PTN: variants seen among roughly 807,000 people sequenced by gnomAD.
PTN encodes the protein pleiotrophin, also known as heparin affin regulatory protein.
Under a neutral mutation model 24.1 loss-of-function variants are expected in PTN, and 18 were observed. That is an observed-to-expected ratio of 0.75 (90% CI 0.52 to 1.11). PTN has a LOEUF of 1.11. PTN is among the 50% of genes least tolerant of loss of function. PTN has a pLI of 0.00. For synonymous variants in PTN, 78 were observed against 68.6 expected (o/e 1.14, Z -0.67); for missense variants, 163 against 198.8 (o/e 0.82, Z 1.08).
chr7:137,228,953 T>C (rs967944955), intron 4 of PTN, among the ~76,000 whole-genome samples: 2 of 151,860 alleles, frequency 1.3e-5, no homozygotes, highest in African/African-American at 4.8e-5. Flanking sequence ...ACTGGTTAAG[T>C]ACAGGCTCTG....
intron 1 of PTN, among the ~76,000 whole-genome samples, chr7:137,267,670 AC>A (rs1324063577): frequency 1.3e-5 from 2 of 151,930 alleles, no homozygotes; most frequent in Non-Finnish European, 2.9e-5. Flanking sequence ...TTTGTACCTG[AC>A]CCGTGTCTCC....
At chr7:137,277,348 A>G (rs188915) in intron 1 of PTN, among the ~76,000 whole-genome samples, 79,332 of 152,084 alleles carry the variant, frequency 0.52, 22,984 homozygotes, top group East Asian at 0.75. Flanking sequence ...CCACTATTGA[A>G]CACATTTTAG....
chr7:137,294,576 A>G (rs1339114665), intron 1 of PTN, among the ~76,000 whole-genome samples: 1 of 152,048 alleles, frequency 6.6e-6, no homozygotes, highest in Non-Finnish European at 1.5e-5. Flanking sequence ...ATGCCCCACC[A>G]AGAGAGTCTG....
intron 1 of PTN, among the ~76,000 whole-genome samples, chr7:137,299,286 T>C (rs1563216644): frequency 6.6e-6 from 1 of 152,008 alleles, no homozygotes; most frequent in Admixed American, 6.6e-5. Context: ...TTGTCAATGG[T>C]GGTGGTTATT....
chr7:137,294,962 T>C (rs1418312654), intron 1 of PTN, among the ~76,000 whole-genome samples: 3 of 152,104 alleles, frequency 2.0e-5, no homozygotes, highest in Non-Finnish European at 4.4e-5. Flanking sequence ...ATAAAATAAC[T>C]TGCCCTGGGT....
chr7:137,266,412 T>A (rs1563205328), intron 1 of PTN, among the ~76,000 whole-genome samples: 1 of 152,214 alleles, frequency 6.6e-6, no homozygotes, highest in Non-Finnish European at 1.5e-5. Context: ...TCTTCAATAG[T>A]ACTCAGGAGG....
chr7:137,324,730 T>C (rs1465706599), intron 1 of PTN: 2 of 152,072 alleles, frequency 1.3e-5, no homozygotes, highest in Non-Finnish European at 2.9e-5. Flanking sequence ...ACTGTCACAC[T>C]CCCTTTTTGA....
At chr7:137,295,841 C>T (rs1314650492) in intron 1 of PTN, among the ~76,000 whole-genome samples, 1 of 151,910 alleles carries the variant, frequency 6.6e-6, no homozygotes, top group Non-Finnish European at 1.5e-5. Context: ...CTCCAGAAAG[C>T]TCTGGAGCAA....
At chr7:137,339,719 C>A (rs1275999639) in intron 1 of PTN, among the ~76,000 whole-genome samples, 1 of 151,974 alleles carries the variant, frequency 6.6e-6, no homozygotes, top group East Asian at 1.9e-4. Context: ...GAAATGTATG[C>A]CATCATAGCA....
At chr7:137,268,983 T>C (rs1329544997) in intron 1 of PTN, among the ~76,000 whole-genome samples, 1 of 152,204 alleles carries the variant, frequency 6.6e-6, no homozygotes, top group Admixed American at 6.5e-5. Context: ...ACAAAGATTT[T>C]TGTTGTTCTG....
intron 1 of PTN, among the ~76,000 whole-genome samples, chr7:137,268,679 T>C (rs1809209580): frequency 1.3e-5 from 2 of 152,342 alleles, no homozygotes; most frequent in South Asian, 4.1e-4. Context: ...GTGGAATTTT[T>C]ACTACCAGGC....
At chr7:137,317,618 A>C (rs116233166) in intron 1 of PTN, among the ~76,000 whole-genome samples, 1,608 of 152,188 alleles carry the variant, frequency 0.011, 32 homozygotes, top group African/African-American at 0.037. Flanking sequence ...TGTTGTATTT[A>C]TTTTGATCGT....
intron 1 of PTN, among the ~76,000 whole-genome samples, chr7:137,337,158 C>T (rs1810462676): frequency 6.6e-6 from 1 of 152,146 alleles, no homozygotes. Context: ...ACACATGACG[C>T]TAGTTAATCT....
intron 1 of PTN, among the ~76,000 whole-genome samples, chr7:137,330,101 A>C (rs537568763): frequency 6.6e-6 from 1 of 152,160 alleles, no homozygotes; most frequent in Admixed American, 6.6e-5. Flanking sequence ...AGCCTGGCCA[A>C]CATGGTGAAA....
chr7:137,252,775 G>A (rs1393506141), intron 3 of PTN, among the ~76,000 whole-genome samples: 1 of 151,792 alleles, frequency 6.6e-6, no homozygotes, highest in Admixed American at 6.5e-5. Flanking sequence ...TTATTTGAGG[G>A]TTCAATACTG....
At chr7:137,239,559 C>A (rs560411097) in intron 4 of PTN, among the ~76,000 whole-genome samples, 2 of 152,026 alleles carry the variant, frequency 1.3e-5, no homozygotes, top group East Asian at 3.9e-4. Context: ...CCTCCTCCCA[C>A]CCCACAACAG....
chr7:137,243,971 T>G (rs1301472928), intron 4 of PTN, among the ~76,000 whole-genome samples: 1 of 152,170 alleles, frequency 6.6e-6, no homozygotes, highest in African/African-American at 2.4e-5. Context: ...TCCCGGAGAT[T>G]CTTTGAACTA....
chr7:137,308,731 A>C (rs1490206396), intron 1 of PTN, among the ~76,000 whole-genome samples: 1 of 152,192 alleles, frequency 6.6e-6, no homozygotes, highest in Non-Finnish European at 1.5e-5. Context: ...ATCTCCCCAC[A>C]GCACACTGGC....
intron 1 of PTN, among the ~76,000 whole-genome samples, chr7:137,300,693 G>A (rs1202032821): frequency 6.6e-6 from 1 of 151,794 alleles, no homozygotes; most frequent in Non-Finnish European, 1.5e-5. Flanking sequence ...AACAATATAG[G>A]GGTTTGCAGA....
Sources: gnomAD v4.1 joint callset for allele counts (sites outside exome capture counted in the v4.1 genomes callset) on GRCh38, gnomAD v4.1.1 for gene constraint, MANE v1.5 for transcripts, NCBI Gene and HGNC (gene_info 2026-07-23, HGNC 2026-07-21) for gene names.